BPNT2: variants seen among roughly 807,000 people sequenced by gnomAD.
BPNT2 encodes the protein Golgi-resident adenosine 3',5'-bisphosphate 3'-phosphatase.
Under a neutral mutation model 29.3 loss-of-function variants are expected in BPNT2, and 11 were observed. The observed-to-expected ratio is 0.38, with a 90% CI of 0.24 to 0.62. The LOEUF is 0.62. Among genes scored for constraint, BPNT2 ranks in the 20% least tolerant of loss-of-function variants. The probability of loss-of-function intolerance (pLI) is 0.62; values close to 1 mark genes in which losing one functional copy is unlikely to be tolerated. For missense variants in BPNT2, 459 were observed against 473.4 expected, an observed-to-expected ratio of 0.97 and a Z score of 0.28; for synonymous variants, 195 against 187.7, an observed-to-expected ratio of 1.04 and a Z score of -0.32.
At position 56,960,046 on chromosome 8, in the gene BPNT2, C is replaced by A. The variant is rs1439911308; in HGVS notation, c.*3747G>T. On this transcript the variant is annotated 3_prime_UTR_variant, in exon 5 of 5. Transcript: ENST00000262644. ...GATCTAAAATGAAAAATTATTTTTT[C>A]TTTCTAGGATCAATCAACACATAGC... The A allele has an allele frequency of 1.3e-5, 2 of 152,072 alleles. No individual in the cohort carries two copies. The highest frequency in any genetic ancestry group is 2.9e-5 in the Non-Finnish European group (2 of 68,002). 9.4% of individuals were successfully genotyped at this position (152,072 alleles called of 1,614,324 possible).
Position 56,963,614 on chromosome 8 carries a change from C to T in BPNT2, c.*179G>A. 3.2e-6 allele frequency: 2 copies of T among 628,946 alleles called. No homozygotes were observed. The highest frequency in any genetic ancestry group is 4.1e-5 in the South Asian group (2 of 48,612). 39.0% of individuals were successfully genotyped at this position (628,946 alleles called of 1,614,324 possible). The stretch of plus-strand genomic sequence containing the variant: ...GACAATACTTGAGACACAAAGCAAC[C>T]CATTTTCCCTGATTTTGCATTCTAT... On this transcript the variant is annotated 3_prime_UTR_variant, in exon 5 of 5. Coordinates refer to ENST00000262644, the MANE Select transcript of BPNT2 (RefSeq NM_017813.5).
intron 1 of BPNT2, among the ~76,000 whole-genome samples, chr8:56,987,110 GC>G (rs1468201584): frequency 1.3e-5 from 2 of 152,166 alleles, no homozygotes; most frequent in South Asian, 2.1e-4. Flanking sequence ...CACAATCAAT[GC>G]CATTAGTATG....
intron 1 of BPNT2, among the ~76,000 whole-genome samples, chr8:56,982,120 A>G (rs556640135): frequency 6.6e-6 from 1 of 151,742 alleles, no homozygotes; most frequent in Admixed American, 6.6e-5. Flanking sequence ...AAATCATTAA[A>G]TATCTCTTTT....
At chr8:56,987,609 G>A (rs1806347411) in intron 1 of BPNT2, among the ~76,000 whole-genome samples, 10 of 152,036 alleles carry the variant, frequency 6.6e-5, no homozygotes, top group Admixed American at 6.5e-4. Context: ...GTTTCCAGCT[G>A]ACAGATCAAG....
In BPNT2 at chr8:56,959,193, C is replaced by T. The variant is rs1805786829; in HGVS notation, c.*4600G>A. 1 of 152,198 alleles carries T rather than the reference C, an allele frequency of 6.6e-6. No individual in the cohort carries two copies. Among genetic ancestry groups the T allele is most frequent in the African/African-American group, 2.4e-5 (1 of 41,452 alleles). 9.4% of individuals were successfully genotyped at this position (152,198 alleles called of 1,614,324 possible). ...TTTCAATATTATTCATCATCCTTAA[C>T]TTCTGAAAGTTTGGTTTATGTTATC... On this transcript the variant is annotated 3_prime_UTR_variant, in exon 5 of 5. Coordinates refer to ENST00000262644, the MANE Select transcript of BPNT2 (RefSeq NM_017813.5).
Position 56,974,227 on chromosome 8 carries a change from G to A in BPNT2, c.646+3823C>T, listed in dbSNP as rs780098536. On this transcript the variant is annotated intron_variant, in intron 3 of 4. Transcript: ENST00000262644. ...ATTTTTGGTCAAAATGAGGCTATTC[G>A]CAGTTCAGTTTTTAAGGAGTCAAAA... is the stretch of plus-strand genomic sequence containing the variant. Among the ~76,000 whole-genome samples the A allele has an allele frequency of 5.9e-5, 9 of 152,072 alleles. 1 individual carries two copies. The highest frequency in any genetic ancestry group is 1.2e-4 in the Non-Finnish European group (8 of 68,010).
chr8:56,988,738 T>C (rs1806365758), intron 1 of BPNT2, among the ~76,000 whole-genome samples: 1 of 152,188 alleles, frequency 6.6e-6, no homozygotes, highest in Non-Finnish European at 1.5e-5. Flanking sequence ...TTCAACTGAC[T>C]CTTTGACAGC....
At chr8:56,985,938 C>T (rs1806320740) in intron 1 of BPNT2, among the ~76,000 whole-genome samples, 1 of 152,206 alleles carries the variant, frequency 6.6e-6, no homozygotes, top group South Asian at 2.1e-4. Context: ...AAAAAGAAAG[C>T]TCCTGCCCAA....
chr8:56,992,985 G>A (rs1293249933), intron 1 of BPNT2, among the ~76,000 whole-genome samples: 2 of 152,162 alleles, frequency 1.3e-5, no homozygotes, highest in Non-Finnish European at 2.9e-5. Context: ...ACCCGACCCA[G>A]GACGAGCCAA....
chr8:56,986,506 T>A (rs1403633335), intron 1 of BPNT2, among the ~76,000 whole-genome samples: 2 of 152,318 alleles, frequency 1.3e-5, no homozygotes, highest in South Asian at 4.1e-4. Context: ...AGGAATCAAA[T>A]GCTTATGTAA....
At position 56,980,761 on chromosome 8, in the gene BPNT2, T is replaced by C. The variant is rs189722324; in HGVS notation, c.388-564A>G. ...GGGTTGTTACGAGAATAGAGGAATA[T>C]ATTCTCTCCTTAAGGAATATATTCT... On this transcript the variant is annotated intron_variant, in intron 1 of 4. Coordinates refer to ENST00000262644, the MANE Select transcript of BPNT2 (RefSeq NM_017813.5). Among the ~76,000 whole-genome samples the C allele has an allele frequency of 4.0e-3, 601 of 150,260 alleles. 9 individuals carry two copies. The highest frequency in any genetic ancestry group is 0.013 in the African/African-American group (526 of 40,798).
chr8:56,969,036 G>GC (rs1180863721), intron 3 of BPNT2, among the ~76,000 whole-genome samples: 3 of 152,140 alleles, frequency 2.0e-5, no homozygotes, highest in African/African-American at 7.2e-5. Context: ...CTGGAGTGAT[G>GC]CATCTACTGA....
intron 3 of BPNT2, among the ~76,000 whole-genome samples, chr8:56,971,029 G>A (rs1806021997): frequency 6.6e-6 from 1 of 151,996 alleles, no homozygotes. Context: ...AAATATTATA[G>A]CATATCTCAG....
chr8:56,979,426 C>T (rs1251627171), intron 2 of BPNT2, among the ~76,000 whole-genome samples: 1 of 152,138 alleles, frequency 6.6e-6, no homozygotes, highest in South Asian at 2.1e-4. Flanking sequence ...AAGTTCTGTG[C>T]TGTAATTTTA....
At chr8:56,980,819 T>TATACACACACACACACAC (rs755705861) in intron 1 of BPNT2, among the ~76,000 whole-genome samples, 100 of 141,506 alleles carry the variant, frequency 7.1e-4, no homozygotes, top group African/African-American at 1.9e-3. Flanking sequence ...TACATACATA[T>TATACACACACACACACAC]ACACACACAC....
chr8:56,980,891 ATAT>A (rs1298784320), intron 1 of BPNT2, among the ~76,000 whole-genome samples: 2 of 150,368 alleles, frequency 1.3e-5, no homozygotes, highest in Non-Finnish European at 3.0e-5. Flanking sequence ...TGTATAATAT[ATAT>A]TATATATTAT....
At chr8:56,972,293 CG>C (rs1376537848) in intron 3 of BPNT2, among the ~76,000 whole-genome samples, 13 of 151,624 alleles carry the variant, frequency 8.6e-5, no homozygotes, top group African/African-American at 3.1e-4. Flanking sequence ...CTAGTGATGC[CG>C]GAAGTGCTCC....
intron 3 of BPNT2, among the ~76,000 whole-genome samples, chr8:56,971,074 T>A (rs1806022849): frequency 6.6e-6 from 1 of 152,108 alleles, no homozygotes; most frequent in South Asian, 2.1e-4. Flanking sequence ...AATTGCTGAC[T>A]TAGTATTTTT....
intron 1 of BPNT2, among the ~76,000 whole-genome samples, chr8:56,988,668 G>C (rs1042416456): frequency 6.6e-6 from 1 of 152,052 alleles, no homozygotes; most frequent in Admixed American, 6.5e-5. Flanking sequence ...TCACAACACC[G>C]ATGACTCGCA....
Sources: gnomAD v4.1 joint callset for allele counts (sites outside exome capture counted in the v4.1 genomes callset) on GRCh38, gnomAD v4.1.1 for gene constraint, MANE v1.5 for transcripts, NCBI Gene and HGNC (gene_info 2026-07-23, HGNC 2026-07-21) for gene names.